Variants in ASIC2 observed in about 807,000 individuals in gnomAD.
ASIC2 encodes the protein acid sensing ion channel subunit 2, also known as acid-sensing ion channel 2.
In ASIC2, 25 loss-of-function variants were observed where a neutral mutation model predicts 57.3. The ratio of observed to expected loss-of-function variants is 0.44; its 90% CI spans 0.32 to 0.61. ASIC2 has a LOEUF of 0.61. ASIC2 is among the 20% of genes least tolerant of loss of function. The pLI is 0.06. For missense variants in ASIC2, 641 were observed against 738.1 expected, an observed-to-expected ratio of 0.87 and a Z score of 1.52; for synonymous variants, 319 against 307.5, an observed-to-expected ratio of 1.04 and a Z score of -0.39.
At chr17:33,648,673 A>G (rs907881465) in intron 1 of ASIC2, among the ~76,000 whole-genome samples, 1 of 152,170 alleles carries the variant, frequency 6.6e-6, no homozygotes, top group African/African-American at 2.4e-5. Context: ...TGAGGTTGCA[A>G]TGTGGGGGAC....
chr17:33,168,149 C>T (rs1263856790), intron 1 of ASIC2, among the ~76,000 whole-genome samples: 1 of 152,214 alleles, frequency 6.6e-6, no homozygotes, highest in East Asian at 1.9e-4. Flanking sequence ...CCTACACTTC[C>T]CAGATGCTGG....
intron 1 of ASIC2, among the ~76,000 whole-genome samples, chr17:33,714,883 T>C (rs1909164310): frequency 6.8e-6 from 1 of 147,994 alleles, no homozygotes; most frequent in Non-Finnish European, 1.5e-5. Flanking sequence ...GGCACAATCA[T>C]AGTTCACTGC....
chr17:33,172,758 A>G (rs1205191962), intron 1 of ASIC2, among the ~76,000 whole-genome samples: 2 of 152,246 alleles, frequency 1.3e-5, no homozygotes, highest in Non-Finnish European at 2.9e-5. Context: ...TAGCCTCAGC[A>G]TCACCTGGGA....
At chr17:33,869,381 G>A (rs904083086) in intron 1 of ASIC2, among the ~76,000 whole-genome samples, 20 of 152,144 alleles carry the variant, frequency 1.3e-4, no homozygotes, top group Non-Finnish European at 1.9e-4. Flanking sequence ...CAGCAAGTCC[G>A]CTTTTAGGTA....
intron 1 of ASIC2, among the ~76,000 whole-genome samples, chr17:33,480,254 A>G (rs1340054825): frequency 6.6e-6 from 1 of 152,194 alleles, no homozygotes; most frequent in Non-Finnish European, 1.5e-5. Context: ...TGGGGGAGAC[A>G]GACACTAAAT....
chr17:33,511,490 A>G (rs372400574), intron 1 of ASIC2, among the ~76,000 whole-genome samples: 27 of 152,108 alleles, frequency 1.8e-4, no homozygotes, highest in African/African-American at 5.6e-4. Context: ...CAGTTGCCCT[A>G]GCCAGAAAAT....
chr17:33,174,723 C>A (rs1905673192), intron 1 of ASIC2, among the ~76,000 whole-genome samples: 1 of 152,178 alleles, frequency 6.6e-6, no homozygotes, highest in Non-Finnish European at 1.5e-5. Context: ...ATGGAGGACA[C>A]TTTCAGAGCC....
chr17:33,555,707 G>T (rs1311736697), intron 1 of ASIC2, among the ~76,000 whole-genome samples: 2 of 152,150 alleles, frequency 1.3e-5, no homozygotes. Flanking sequence ...CCTCAGGTGT[G>T]AAGATCAGGA....
intron 1 of ASIC2, among the ~76,000 whole-genome samples, chr17:33,215,849 G>A (rs1343655119): frequency 6.6e-6 from 1 of 152,104 alleles, no homozygotes. Context: ...ACAGGCGCCC[G>A]CCACCTCGCC....
intron 1 of ASIC2, among the ~76,000 whole-genome samples, chr17:34,135,663 C>T (rs17193382): frequency 0.46 from 70,220 of 151,656 alleles, 16,644 homozygotes; most frequent in Middle Eastern, 0.54. Flanking sequence ...GATGAAGTTT[C>T]CCACCACCTG....
chr17:34,106,475 T>C (rs1336515366), intron 1 of ASIC2, among the ~76,000 whole-genome samples: 1 of 152,132 alleles, frequency 6.6e-6, no homozygotes, highest in Non-Finnish European at 1.5e-5. Flanking sequence ...AGCATTCTAA[T>C]GCCAGGAAGA....
intron 1 of ASIC2, among the ~76,000 whole-genome samples, chr17:33,720,001 C>T (rs1006711063): frequency 1.3e-5 from 2 of 152,176 alleles, no homozygotes; most frequent in Admixed American, 1.3e-4. Context: ...CTTGCCTCAG[C>T]CCCTGAGTAT....
At chr17:34,112,457 CAAAA>C (rs35815808) in intron 1 of ASIC2, among the ~76,000 whole-genome samples, 3 of 79,976 alleles carry the variant, frequency 3.8e-5, no homozygotes, top group Non-Finnish European at 5.5e-5. Flanking sequence ...CAAGACAGGC[CAAAA>C]AAAAAAAAAA....
chr17:33,774,250 T>C (rs1911199866), intron 1 of ASIC2, among the ~76,000 whole-genome samples: 1 of 152,210 alleles, frequency 6.6e-6, no homozygotes, highest in Non-Finnish European at 1.5e-5. Context: ...TTCAAAATGA[T>C]GGGTCAAGGA....
At chr17:33,224,930 ACT>A (rs1907825597) in intron 1 of ASIC2, among the ~76,000 whole-genome samples, 1 of 152,086 alleles carries the variant, frequency 6.6e-6, no homozygotes, top group Non-Finnish European at 1.5e-5. Context: ...AGAAGGAGTA[ACT>A]CTACAGAGAA....
At chr17:34,103,252 G>A (rs541630595) in intron 1 of ASIC2, among the ~76,000 whole-genome samples, 42 of 152,106 alleles carry the variant, frequency 2.8e-4, no homozygotes, top group South Asian at 1.5e-3. Context: ...CTTGAGCCAC[G>A]CTCCCACCTC....
chr17:34,056,076 T>C lies in ASIC2; in HGVS notation c.555+99902A>G, dbSNP rs542949567. On this transcript the variant is annotated intron_variant, in intron 1 of 9. Coordinates refer to the ASIC2 transcript ENST00000359872. ...TTGAAATATATATTGATAAATACGG[T>C]CAAGAATATTTGCCAGTGAATTAAA... Among the ~76,000 whole-genome samples, 3 of 152,084 alleles carry C rather than the reference T, an allele frequency of 2.0e-5. No homozygotes were observed. The South Asian group carries it at 6.2e-4, about 32-fold the overall frequency.
At chr17:33,452,738 G>GGTGT (rs35126239) in intron 1 of ASIC2, among the ~76,000 whole-genome samples, 42,890 of 140,200 alleles carry the variant, frequency 0.31, 6,419 homozygotes, top group Admixed American at 0.32. Context: ...AACAGAGTGG[G>GGTGT]GTGTGTGTGT....
chr17:33,610,218 C>G (rs1905357735), intron 1 of ASIC2, among the ~76,000 whole-genome samples: 1 of 152,188 alleles, frequency 6.6e-6, no homozygotes, highest in Non-Finnish European at 1.5e-5. Flanking sequence ...AGTGCAGTGG[C>G]ACGATCTCGG....
Sources: allele counts gnomAD v4.1 joint callset (sites outside exome capture counted in the v4.1 genomes callset), GRCh38; gene constraint gnomAD v4.1.1; transcripts MANE v1.5; gene names NCBI Gene and HGNC (gene_info 2026-07-23, HGNC 2026-07-21).